The following ZNF518A variants were observed in gnomAD, a reference collection of about 807,000 sequenced individuals.
ZNF518A encodes zinc finger protein 518.
ZNF518A carries 47 observed loss-of-function variants against 102.7 expected under a neutral mutation model. The ratio of observed to expected loss-of-function variants is 0.46; its 90% CI spans 0.36 to 0.58. The LOEUF (loss-of-function observed/expected upper bound fraction) is 0.58. ZNF518A is among the 20% of genes least tolerant of loss of function. The probability of loss-of-function intolerance (pLI) is 0.00; values close to 1 mark genes in which losing one functional copy is unlikely to be tolerated. For missense variants in ZNF518A, 1,793 were observed against 1,699.8 expected, an observed-to-expected ratio of 1.05 and a Z score of -0.96; for synonymous variants, 652 against 594.6, an observed-to-expected ratio of 1.10 and a Z score of -1.40.
intron 3 of ZNF518A, among the ~76,000 whole-genome samples, chr10:96,144,183 G>A (rs1387272783): frequency 1.3e-5 from 2 of 151,748 alleles, no homozygotes; most frequent in Non-Finnish European, 2.9e-5. Flanking sequence ...ATGGGGTTTC[G>A]CCATGTTTTC....
chr10:96,184,626 G>A (rs1334980603), intron 1 of ZNF518A, among the ~76,000 whole-genome samples: 2 of 152,056 alleles, frequency 1.3e-5, no homozygotes, highest in Non-Finnish European at 2.9e-5. Context: ...GTTGAATATC[G>A]ACCCCCACTC....
chr10:96,190,232 C>G, intron 1 of ZNF518A: 1 of 749,974 alleles, frequency 1.3e-6, no homozygotes, highest in Non-Finnish European at 2.4e-6. Context: ...GGTGGCGGCA[C>G]ACACTTAGGT....
In ZNF518A at chr10:96,156,384, A is replaced by G; in HGVS notation, c.62A>G (p.Tyr21Cys). ...AAACAAACTACTTTAAAAAAAGATT[A>G]TGATGTGAAAAATGAGATAGTTGAT... ...DEKQTTLKKDYDVKNEIVDRS... is the reference protein window; with the variant it reads ...DEKQTTLKKDCDVKNEIVDRS... Residue 21 changes from tyrosine to cysteine, a missense_variant, in exon 6 of 6, where the codon TAT (tyrosine) becomes TGT (cysteine). Tyr to Cys is a radical substitution (Grantham distance 194). Transcript: ENST00000316045. The G allele has an allele frequency of 1.9e-6, 3 of 1,602,434 alleles. No individual in the cohort carries two copies. The highest frequency in any genetic ancestry group is 8.5e-7 in the Non-Finnish European group (1 of 1,176,732).
At chr10:96,150,044 G>A (rs2082354336) in intron 3 of ZNF518A, among the ~76,000 whole-genome samples, 1 of 151,956 alleles carries the variant, frequency 6.6e-6, no homozygotes, top group Admixed American at 6.6e-5. Context: ...TGGTGTCTGG[G>A]CCGGGCGTGG....
At chr10:96,199,439 C>T (rs2083567295) in intron 1 of ZNF518A, 1 of 451,742 alleles carries the variant, frequency 2.2e-6, no homozygotes, top group Non-Finnish European at 4.5e-6. Flanking sequence ...ACTGTTCACT[C>T]CTCAGTGGAG....
At chr10:96,190,513 ATATC>A (rs1370005754) in intron 1 of ZNF518A, among the ~76,000 whole-genome samples, 2 of 152,194 alleles carry the variant, frequency 1.3e-5, no homozygotes, top group Non-Finnish European at 2.9e-5. Context: ...GGACTTCAAC[ATATC>A]TTTTTGAGGG....
At chr10:96,153,156 G>T (rs11188633) in intron 3 of ZNF518A, among the ~76,000 whole-genome samples, 46,619 of 152,150 alleles carry the variant, frequency 0.31, 8,262 homozygotes, top group East Asian at 0.67. Flanking sequence ...AGAGCCTGGA[G>T]TTCTGATGCC....
At chr10:96,164,983 A>G, downstream of ZNF518A, among the ~76,000 whole-genome samples, 1 of 152,226 alleles carries the variant, frequency 6.6e-6, no homozygotes, top group Non-Finnish European at 1.5e-5. Flanking sequence ...AAGCAAAATG[A>G]AAGTTAAATT....
intron 3 of ZNF518A, among the ~76,000 whole-genome samples, chr10:96,150,047 G>A (rs1042707464): frequency 1.1e-4 from 16 of 151,898 alleles, no homozygotes; most frequent in African/African-American, 3.4e-4. Flanking sequence ...TGTCTGGGCC[G>A]GGCGTGGTGG....
intron 1 of ZNF518A, among the ~76,000 whole-genome samples, chr10:96,176,149 T>C (rs587602962): frequency 9.9e-5 from 15 of 152,156 alleles, no homozygotes; most frequent in African/African-American, 3.4e-4. Context: ...CAGGCTGGTC[T>C]CAGACTCCTG....
At chr10:96,179,941 C>T (rs1405666982) in intron 1 of ZNF518A, among the ~76,000 whole-genome samples, 1 of 149,138 alleles carries the variant, frequency 6.7e-6, no homozygotes, top group Admixed American at 6.8e-5. Context: ...TGCAGTGGCA[C>T]AACCTCGGCT....
At position 96,158,474 on chromosome 10, in the gene ZNF518A, G is replaced by C. The variant is rs782286311; in HGVS notation, c.2152G>C (p.Glu718Gln). The C allele has an allele frequency of 6.2e-7, 1 of 1,612,486 alleles. No homozygotes were observed. Among genetic ancestry groups the C allele is most frequent in the Non-Finnish European group, 8.5e-7 (1 of 1,179,512 alleles). The change falls in exon 6 of 6, where the codon GAA becomes CAA. Residue 718 changes from glutamate (E) to glutamine (Q), a missense_variant. By Grantham distance (29) the Glu-to-Gln change is conservative. This residue lies in a region of ZNF518A where 1,741 missense variants were observed against 1,622.6 expected (regional missense o/e 1.07). Transcript: ENST00000316045. Reference protein sequence around the residue: ...GTLKAKSEIEEQYVLEKGQNI... With the variant: ...GTLKAKSEIEQQYVLEKGQNI... ...TTTAAAAGCAAAATCTGAAATTGAA[G>C]AACAGTATGTTTTAGAAAAAGGACA... is the stretch of plus-strand genomic sequence containing the variant.
At chr10:96,154,635 A>C (rs1035062908) in intron 3 of ZNF518A, among the ~76,000 whole-genome samples, 2 of 152,236 alleles carry the variant, frequency 1.3e-5, no homozygotes, top group Non-Finnish European at 1.5e-5. Context: ...TAGCCATCAG[A>C]TAATTCTTCT....
intron 1 of ZNF518A, among the ~76,000 whole-genome samples, chr10:96,170,346 A>C (rs181390104): frequency 2.0e-5 from 3 of 152,348 alleles, no homozygotes; most frequent in Admixed American, 6.5e-5. Flanking sequence ...ACCAACTCCA[A>C]GTTAGGCAAA....
chr10:96,172,455 C>A (rs1302414013), intron 1 of ZNF518A, among the ~76,000 whole-genome samples: 2 of 151,982 alleles, frequency 1.3e-5, no homozygotes, highest in African/African-American at 4.8e-5. Context: ...TATACTTGTT[C>A]TTTTTAAATT....
At chr10:96,140,574 A>G (rs2081867725) in intron 3 of ZNF518A, among the ~76,000 whole-genome samples, 1 of 152,162 alleles carries the variant, frequency 6.6e-6, no homozygotes, top group East Asian at 1.9e-4. Context: ...ACTGAATTCA[A>G]TGGCTCTTAT....
intron 1 of ZNF518A, among the ~76,000 whole-genome samples, chr10:96,185,021 A>C (rs2133896379): frequency 6.6e-6 from 1 of 152,088 alleles, no homozygotes; most frequent in Admixed American, 6.5e-5. Flanking sequence ...TTTTTTCTCT[A>C]AACTTCTCTT....
chr10:96,204,208 A>G, downstream of ZNF518A: 2 of 1,081,548 alleles, frequency 1.8e-6, no homozygotes, highest in Non-Finnish European at 2.8e-6. Flanking sequence ...ACAAATGGCC[A>G]ATAAAATGTA....
chr10:96,187,418 T>A (rs1211675979), intron 1 of ZNF518A, among the ~76,000 whole-genome samples: 1 of 152,204 alleles, frequency 6.6e-6, no homozygotes, highest in Non-Finnish European at 1.5e-5. Flanking sequence ...TAAGAACATG[T>A]CTCAGGTAGT....
Sources: allele counts gnomAD v4.1 joint callset (sites outside exome capture counted in the v4.1 genomes callset), GRCh38; gene constraint gnomAD v4.1.1; regional missense constraint gnomAD v4.1.1; transcripts MANE v1.5; gene names NCBI Gene and HGNC (gene_info 2026-07-23, HGNC 2026-07-21).